Variants in ASXL2 observed in about 807,000 individuals in gnomAD.
ASXL2 encodes the protein putative Polycomb group protein ASXL2.
ASXL2 carries 23 observed loss-of-function variants against 122.0 expected under a neutral mutation model. The ratio of observed to expected loss-of-function variants is 0.19; its 90% CI spans 0.14 to 0.27. The LOEUF (loss-of-function observed/expected upper bound fraction) is 0.27, where lower values mean the gene tolerates loss of function less well. ASXL2 is among the 10% of genes least tolerant of loss of function. ASXL2 has a pLI of 1.00. For synonymous variants in ASXL2, 650 were observed against 637.0 expected, an observed-to-expected ratio of 1.02 and a Z score of -0.31; for missense variants, 1,518 against 1,713.8, an observed-to-expected ratio of 0.89 and a Z score of 2.02.
intron 1 of ASXL2, among the ~76,000 whole-genome samples, chr2:25,852,431 T>A (rs1213794706): frequency 6.6e-6 from 1 of 152,254 alleles, no homozygotes; most frequent in Non-Finnish European, 1.5e-5. Context: ...TATGAGTTCA[T>A]TCCAGATATA....
chr2:25,776,319 C>T (rs1164940882), intron 5 of ASXL2, among the ~76,000 whole-genome samples: 2 of 152,124 alleles, frequency 1.3e-5, no homozygotes, highest in Admixed American at 1.3e-4. Context: ...GAAGGCTCAT[C>T]CATGTTTCAA....
chr2:25,786,531 G>A (rs561166513), intron 5 of ASXL2, among the ~76,000 whole-genome samples: 2 of 151,836 alleles, frequency 1.3e-5, no homozygotes, highest in East Asian at 2.0e-4. Context: ...GAGCCACCAC[G>A]CCCGGCCCAC....
chr2:25,747,916 C>T (rs957519231), intron 12 of ASXL2, among the ~76,000 whole-genome samples: 1 of 152,170 alleles, frequency 6.6e-6, no homozygotes, highest in East Asian at 1.9e-4. Context: ...CACCTATAAC[C>T]CTAGCACTTT....
chr2:25,843,268 C>T (rs918690758), intron 2 of ASXL2, among the ~76,000 whole-genome samples: 1 of 148,086 alleles, frequency 6.8e-6, no homozygotes, highest in Non-Finnish European at 1.5e-5. Context: ...AACCGCTGCA[C>T]TCCAGCCTGG....
chr2:25,780,205 T>G (rs2088610514), intron 5 of ASXL2: 1 of 151,906 alleles, frequency 6.6e-6, no homozygotes, highest in South Asian at 2.1e-4. Flanking sequence ...CCACCAACTG[T>G]CTAGCACTTT....
At chr2:25,796,834 C>G (rs2088918104) in intron 5 of ASXL2, among the ~76,000 whole-genome samples, 1 of 152,146 alleles carries the variant, frequency 6.6e-6, no homozygotes. Context: ...CCTCATGTGG[C>G]TATTTAAAGT....
intron 2 of ASXL2, among the ~76,000 whole-genome samples, chr2:25,839,144 TG>T (rs1278885082): frequency 6.6e-6 from 1 of 152,194 alleles, no homozygotes; most frequent in Non-Finnish European, 1.5e-5. Context: ...ACTTCAAATT[TG>T]GAACAAGCAA....
At chr2:25,874,269 G>A (rs924650872) in intron 1 of ASXL2, among the ~76,000 whole-genome samples, 1 of 151,964 alleles carries the variant, frequency 6.6e-6, no homozygotes. Flanking sequence ...TGGGCAGATC[G>A]CTTGAGTCCA....
rs2087772476 is a variant in ASXL2 at position 25,738,465 on chromosome 2, A to G, written c.*3564T>C. The G allele has an allele frequency of 6.6e-6, 1 of 152,188 alleles. No homozygotes were observed. The highest frequency in any genetic ancestry group is 2.4e-5 in the African/African-American group (1 of 41,440). The allele number at this position is 152,188 out of a possible 1,614,324, so 9.4% of individuals were successfully genotyped here. A position where few individuals can be genotyped will look rare whatever the true frequency, so the allele number is the denominator to read the frequency against. ...CTTGGCCAAGTTACTTACTTAGCAC[A>G]CAGTTGTAAGGAGATGGGGAGACTT... On this transcript the variant is annotated 3_prime_UTR_variant, in exon 13 of 13. Coordinates refer to ENST00000435504, the MANE Select transcript of ASXL2 (RefSeq NM_018263.6).
chr2:25,783,328 A>G (rs1295466957), intron 5 of ASXL2, among the ~76,000 whole-genome samples: 1 of 151,828 alleles, frequency 6.6e-6, no homozygotes, highest in East Asian at 1.9e-4. Context: ...TCTACAAAGT[A>G]CTGTGAAAAA....
chr2:25,803,465 G>A (rs2089030403), intron 4 of ASXL2, among the ~76,000 whole-genome samples: 1 of 152,176 alleles, frequency 6.6e-6, no homozygotes, highest in Non-Finnish European at 1.5e-5. Context: ...TGAAGGGGAT[G>A]GGAGGGTACT....
chr2:25,739,655 G>A lies in ASXL2; in HGVS notation c.*2374C>T, dbSNP rs916324050. The stretch of plus-strand genomic sequence containing the variant: ...TATCTATAAGAGCCTGGGTCAAGAT[G>A]AAGAGGCACAATATGGTTTGCTCTC... On this transcript the variant is annotated 3_prime_UTR_variant, in exon 13 of 13. Coordinates refer to ENST00000435504, the MANE Select transcript of ASXL2 (RefSeq NM_018263.6). 1.0e-5 allele frequency: 2 copies of A among 197,822 alleles called. No individual in the cohort carries two copies. Among genetic ancestry groups the A allele is most frequent in the Non-Finnish European group, 1.0e-5 (1 of 95,696 alleles). The allele number at this position is 197,822 out of a possible 1,614,324, so 12.3% of individuals were successfully genotyped here. A position where few individuals can be genotyped will look rare whatever the true frequency, so the allele number is the denominator to read the frequency against.
intron 1 of ASXL2, among the ~76,000 whole-genome samples, chr2:25,867,146 C>T (rs1046560131): frequency 1.3e-5 from 2 of 152,012 alleles, no homozygotes; most frequent in East Asian, 1.9e-4. Context: ...GTGATCCGCC[C>T]GCCTTGGCCT....
chr2:25,777,727 T>C lies in ASXL2; in HGVS notation c.404-6187A>G, dbSNP rs184905688. 1.7e-4 allele frequency among the ~76,000 whole-genome samples: 26 copies of C among 152,322 alleles called. No homozygotes were observed. In the East Asian group the frequency reaches 4.6e-3, roughly 27 times the overall value. ...AATAACAGCAGACAAGTATCTTCTA[T>C]GTGCCTAACACTGTACTAGTTCATT... is the stretch of plus-strand genomic sequence containing the variant. On this transcript the variant is annotated intron_variant, in intron 5 of 12. Coordinates refer to ENST00000435504, the MANE Select transcript of ASXL2 (RefSeq NM_018263.6).
rs973381205 is a variant in ASXL2, at chr2:25,743,949, G to A, written c.2388C>T (p.Ala796=). The A allele has an allele frequency of 4.1e-5, 66 of 1,613,886 alleles. No homozygotes were observed. Among genetic ancestry groups the A allele is most frequent in the Non-Finnish European group, 5.4e-5 (64 of 1,179,908 alleles). ...SGACTSVPSP[A]HIEKLDNEKL... ...TTTCATTATCCAATTTCTCTATGTG[G>A]GCTGGTGATGGGACACTTGTGCATG... is the stretch of plus-strand genomic sequence containing the variant. Residue 796 remains alanine, a synonymous_variant, in exon 13 of 13, where the codon GCC becomes GCT. Transcript: ENST00000435504.
chr2:25,827,591 C>A (rs542084887), intron 3 of ASXL2, among the ~76,000 whole-genome samples: 3 of 152,278 alleles, frequency 2.0e-5, no homozygotes, highest in African/African-American at 7.2e-5. Context: ...ATAAATGTAG[C>A]TTTTAACTTT....
chr2:25,801,185 T>C (rs2149172075), intron 4 of ASXL2, among the ~76,000 whole-genome samples: 1 of 152,360 alleles, frequency 6.6e-6, no homozygotes, highest in Non-Finnish European at 1.5e-5. Flanking sequence ...TCCTCTTGCC[T>C]TAGCCTCCCA....
At position 25,756,486 on chromosome 2, in the gene ASXL2, AAAG is replaced by A. The variant is rs1483957924; in HGVS notation, c.940-375_940-373del. Among the ~76,000 whole-genome samples the A allele has an allele frequency of 1.1e-4, 17 of 151,790 alleles. No homozygotes were observed. In the East Asian group the frequency reaches 1.2e-3, roughly 10 times the overall value. On this transcript the variant is annotated intron_variant, in intron 9 of 12. Coordinates refer to ENST00000435504, the MANE Select transcript of ASXL2 (RefSeq NM_018263.6). ...AAAAGAAAAAAAAAAGAAAAAAAAAAAAGAAGGATGGACTAAAAATCTAAATGT... is the reference window on the plus strand; with the variant it reads ...AAAAGAAAAAAAAAAGAAAAAAAAAAAAGGATGGACTAAAAATCTAAATGT...
intron 2 of ASXL2, 40 bp from the exon 3 acceptor site, chr2:25,835,580 A>G: frequency 3.8e-6 from 1 of 264,714 alleles, no homozygotes; most frequent in African/African-American, 2.2e-5. Flanking sequence ...AAAGAAGGAA[A>G]AAAAAAGCTT....
Sources: gnomAD v4.1 joint callset for allele counts (sites outside exome capture counted in the v4.1 genomes callset) on GRCh38, gnomAD v4.1.1 for gene constraint, MANE v1.5 for transcripts, NCBI Gene and HGNC (gene_info 2026-07-23, HGNC 2026-07-21) for gene names.